ARFGEF3: variants seen among roughly 807,000 people sequenced by gnomAD.
ARFGEF3 encodes brefeldin A-inhibited guanine nucleotide-exchange protein 3.
ARFGEF3 carries 96 observed loss-of-function variants against 221.7 expected under a neutral mutation model. The observed-to-expected ratio is 0.43, with a 90% CI of 0.37 to 0.51. ARFGEF3 has a LOEUF of 0.51. Among genes scored for constraint, ARFGEF3 ranks in the 20% least tolerant of loss-of-function variants. ARFGEF3 has a pLI of 0.00. For synonymous variants in ARFGEF3, 1,145 were observed against 1,126.8 expected (o/e 1.02, Z -0.32); for missense variants, 2,410 against 2,789.9 (o/e 0.86, Z 3.07).
intron 14 of ARFGEF3, among the ~76,000 whole-genome samples, chr6:138,284,662 T>C (rs1779256133): frequency 6.6e-6 from 1 of 152,256 alleles, no homozygotes; most frequent in African/African-American, 2.4e-5. Context: ...AGAGCTGGAA[T>C]GGTATAGAGA....
intron 31 of ARFGEF3, among the ~76,000 whole-genome samples, chr6:138,326,479 C>T (rs1381485191): frequency 6.6e-6 from 1 of 152,090 alleles, no homozygotes; most frequent in African/African-American, 2.4e-5. Context: ...ACAGACACTT[C>T]TCAAAAGAAG....
At chr6:138,183,697 G>A (rs1168064406) in intron 2 of ARFGEF3, among the ~76,000 whole-genome samples, 1 of 152,222 alleles carries the variant, frequency 6.6e-6, no homozygotes, top group Non-Finnish European at 1.5e-5. Context: ...TGAAGGGAAA[G>A]CAAATAGATC....
chr6:138,175,181 C>A (rs960745083), intron 2 of ARFGEF3, among the ~76,000 whole-genome samples: 8 of 152,164 alleles, frequency 5.3e-5, no homozygotes, highest in Admixed American at 5.2e-4. Context: ...AATGCAGAGC[C>A]TATTGATATT....
At chr6:138,184,844 G>A (rs1244837879) in intron 2 of ARFGEF3, among the ~76,000 whole-genome samples, 1 of 152,210 alleles carries the variant, frequency 6.6e-6, no homozygotes, top group African/African-American at 2.4e-5. Flanking sequence ...TGGGACGGAG[G>A]ACATCACATT....
Position 138,343,692 on chromosome 6 carries a change from G to T in ARFGEF3, c.*7206G>T, listed in dbSNP as rs1260247360. The T allele has an allele frequency of 6.6e-6, 1 of 152,160 alleles. No individual in the cohort carries two copies. Among genetic ancestry groups the T allele is most frequent in the Non-Finnish European group, 1.5e-5 (1 of 68,040 alleles). The allele number at this position is 152,160 out of a possible 1,614,324, so 9.4% of individuals were successfully genotyped here. A position where few individuals can be genotyped will look rare whatever the true frequency, so the allele number is the denominator to read the frequency against. The stretch of plus-strand genomic sequence containing the variant: ...TTTTCTTAAAGTTAGGGAGGCTCGG[G>T]CCCTGACACTGCCAGCCCCAGTGAG... On this transcript the variant is annotated 3_prime_UTR_variant, in exon 34 of 34. Transcript: ENST00000251691.
intron 1 of ARFGEF3, among the ~76,000 whole-genome samples, chr6:138,168,693 A>G (rs1343539338): frequency 1.3e-5 from 2 of 152,190 alleles, no homozygotes; most frequent in African/African-American, 4.8e-5. Flanking sequence ...TTCTCCAAGC[A>G]TTTCAAACTT....
intron 8 of ARFGEF3, 56 bp downstream of exon 8, chr6:138,245,647 C>T: frequency 7.9e-6 from 10 of 1,264,400 alleles, no homozygotes; most frequent in South Asian, 5.1e-5. Flanking sequence ...TCTGAAATAA[C>T]CTTTGTCTGC....
At chr6:138,225,687 G>A (rs1778071539) in intron 4 of ARFGEF3, among the ~76,000 whole-genome samples, 1 of 152,198 alleles carries the variant, frequency 6.6e-6, no homozygotes, top group South Asian at 2.1e-4. Flanking sequence ...GGAAGAAAGT[G>A]GAGCTGGATC....
At position 138,321,166 on chromosome 6, in the gene ARFGEF3, G is replaced by A. The variant is rs779277929; in HGVS notation, c.4707G>A (p.Leu1569=). 2 of 1,564,860 alleles carry A rather than the reference G, an allele frequency of 1.3e-6. No individual in the cohort carries two copies. Among genetic ancestry groups the A allele is most frequent in the South Asian group, 2.4e-5 (2 of 84,844 alleles). ...NTMLKDLFEL[L]VACVAKPTET... The stretch of plus-strand genomic sequence containing the variant: ...TGCTGAAGGACCTCTTTGAGTTGCT[G>A]GTCGCCTGTGTGGCCAAGCCCACTG... Residue 1569 remains leucine, a synonymous_variant, in exon 29 of 34, where the codon CTG becomes CTA. Transcript: ENST00000251691.
intron 2 of ARFGEF3, among the ~76,000 whole-genome samples, chr6:138,175,476 G>A (rs9494951): frequency 0.061 from 9,332 of 152,194 alleles, 867 homozygotes; most frequent in African/African-American, 0.2. Context: ...TCCCTACACC[G>A]AAGAAGCCAT....
intron 2 of ARFGEF3, among the ~76,000 whole-genome samples, chr6:138,191,071 G>A (rs972318099): frequency 6.6e-6 from 1 of 152,134 alleles, no homozygotes; most frequent in Admixed American, 6.5e-5. Flanking sequence ...TTCCTGTGAG[G>A]ATTAAATGAG....
rs1342091502 is a variant in ARFGEF3, at chr6:138,255,659, C to G, written c.994C>G (p.Leu332Val). 1 of 1,613,642 alleles carries G rather than the reference C, an allele frequency of 6.2e-7. No individual in the cohort carries two copies. Among genetic ancestry groups the G allele is most frequent in the Non-Finnish European group, 8.5e-7 (1 of 1,179,836 alleles). The change falls in exon 10 of 34, where the codon CTG (leucine) becomes GTG (valine). Residue 332 changes from leucine (L) to valine (V), a missense_variant. Physicochemically the swap from Leu to Val is conservative, Grantham distance 32 (BLOSUM62 1). This residue lies in a region of ARFGEF3 where 570 missense variants were observed against 586.9 expected (regional missense o/e 0.97). Transcript: ENST00000251691. ...IYYIAAELVR[L>V]VGSVDSMKPV... ...TTACATCGCAGCCGAGCTGGTCCGG[C>G]TGGTGGGGTCTGTGGACTCCATGAA... is the stretch of plus-strand genomic sequence containing the variant.
chr6:138,278,334 A>G (rs772509527), intron 12 of ARFGEF3, 117 bp from the exon 13 acceptor site: 20 of 926,102 alleles, frequency 2.2e-5, no homozygotes, highest in Non-Finnish European at 3.2e-5. Context: ...TGTCAGTGCT[A>G]TACAGAAATA....
chr6:138,194,141 G>A (rs1349030571), intron 2 of ARFGEF3, among the ~76,000 whole-genome samples: 1 of 151,944 alleles, frequency 6.6e-6, no homozygotes, highest in Non-Finnish European at 1.5e-5. Context: ...GGTGGCGGGC[G>A]CCTGTAATCC....
At position 138,198,300 on chromosome 6, in the gene ARFGEF3, C is replaced by T. The variant is rs150047875; in HGVS notation, c.138-8742C>T. Among the ~76,000 whole-genome samples the T allele has an allele frequency of 2.1e-4, 32 of 152,276 alleles. No individual in the cohort carries two copies. In the East Asian group the frequency reaches 5.0e-3, roughly 24 times the overall value. On this transcript the variant is annotated intron_variant, in intron 2 of 33. Coordinates refer to ENST00000251691, the MANE Select transcript of ARFGEF3 (RefSeq NM_020340.5). ...GAGAAAAGGGATTTTGTGTTCACAG[C>T]TATATCCCTAGGGCCTGAAACAGTG...
rs572177510 is a variant in ARFGEF3 at position 138,339,312 on chromosome 6, C to T, written c.*2826C>T. On this transcript the variant is annotated 3_prime_UTR_variant, in exon 34 of 34. Coordinates refer to ENST00000251691, the MANE Select transcript of ARFGEF3 (RefSeq NM_020340.5). ...TCAGTCTCTTGCCCTGTTCCTGTGA[C>T]TCAGCTGCCCACTCCCCCAACTTTG... 1 of 152,268 alleles carries T rather than the reference C, an allele frequency of 6.6e-6. No individual in the cohort carries two copies. The highest frequency in any genetic ancestry group is 1.5e-5 in the Non-Finnish European group (1 of 68,100). The allele number at this position is 152,268 out of a possible 1,614,324, so 9.4% of individuals were successfully genotyped here.
intron 4 of ARFGEF3, among the ~76,000 whole-genome samples, chr6:138,227,466 G>A (rs540657386): frequency 2.0e-5 from 3 of 152,134 alleles, no homozygotes; most frequent in Admixed American, 2.0e-4. Flanking sequence ...AAAGTTGATC[G>A]TCAGTCCTAT....
chr6:138,285,683 G>A (rs1256262553), intron 14 of ARFGEF3, among the ~76,000 whole-genome samples: 1 of 151,958 alleles, frequency 6.6e-6, no homozygotes, highest in Non-Finnish European at 1.5e-5. Context: ...TTTTCTAACA[G>A]AGAAATAATA....
intron 2 of ARFGEF3, among the ~76,000 whole-genome samples, chr6:138,178,948 A>G (rs529838553): frequency 1.3e-5 from 2 of 152,266 alleles, no homozygotes; most frequent in East Asian, 3.9e-4. Flanking sequence ...CACCTAATGT[A>G]TATTAGATAA....
Sources: gnomAD v4.1 joint callset for allele counts (sites outside exome capture counted in the v4.1 genomes callset) on GRCh38, gnomAD v4.1.1 for gene constraint, gnomAD v4.1.1 regional missense constraint, MANE v1.5 for transcripts, NCBI Gene and HGNC (gene_info 2026-07-23, HGNC 2026-07-21) for gene names.